Variants in FARS2 observed in about 807,000 individuals in gnomAD.
FARS2 encodes the protein phenylalanyl-tRNA synthetase 2, mitochondrial.
FARS2 carries 40 observed loss-of-function variants against 46.4 expected under a neutral mutation model. The observed-to-expected ratio is 0.86, with a 90% CI of 0.67 to 1.12. The LOEUF (loss-of-function observed/expected upper bound fraction) is 1.12. FARS2 is among the 50% of genes most tolerant of loss of function. The pLI, the probability that FARS2 is intolerant of heterozygous loss-of-function variation, is 0.00. For missense variants in FARS2, 513 were observed against 567.9 expected (o/e 0.90, Z 0.98); for synonymous variants, 234 against 214.9 (o/e 1.09, Z -0.78).
At chr6:5,532,764 GTAA>G (rs113215364) in intron 4 of FARS2, among the ~76,000 whole-genome samples, 7,899 of 148,782 alleles carry the variant, frequency 0.053, 294 homozygotes, top group African/African-American at 0.1. Context: ...AGTAGTAGTA[GTAA>G]TAATAATAAT....
chr6:5,264,818 GAC>G (rs1765439693), intron 1 of FARS2, among the ~76,000 whole-genome samples: 1 of 152,110 alleles, frequency 6.6e-6, no homozygotes, highest in Admixed American at 6.5e-5. Flanking sequence ...ATTTTATAGA[GAC>G]AGGGTCTCTG....
chr6:5,688,218 C>T (rs920218440), intron 6 of FARS2, among the ~76,000 whole-genome samples: 1 of 152,162 alleles, frequency 6.6e-6, no homozygotes, highest in Middle Eastern at 3.2e-3. Context: ...ATTGCCCTGG[C>T]CAGAACTTCC....
chr6:5,679,591 C>T (rs1167475736), intron 6 of FARS2, among the ~76,000 whole-genome samples: 1 of 152,180 alleles, frequency 6.6e-6, no homozygotes, highest in Non-Finnish European at 1.5e-5. Flanking sequence ...GTCTCCTAAA[C>T]AGTACAATGC....
intron 6 of FARS2, among the ~76,000 whole-genome samples, chr6:5,699,161 G>A (rs1385025487): frequency 1.3e-5 from 2 of 152,182 alleles, no homozygotes; most frequent in Non-Finnish European, 2.9e-5. Flanking sequence ...GAATGTGATA[G>A]GGTTACTTCT....
intron 6 of FARS2, among the ~76,000 whole-genome samples, chr6:5,767,433 T>A (rs1005289999): frequency 1.6e-4 from 24 of 152,160 alleles, no homozygotes; most frequent in African/African-American, 5.8e-4. Flanking sequence ...CTTGGACAGG[T>A]TTTTGTTTCA....
chr6:5,671,435 T>C (rs1056315761), intron 6 of FARS2, among the ~76,000 whole-genome samples: 2 of 152,232 alleles, frequency 1.3e-5, no homozygotes, highest in African/African-American at 4.8e-5. Context: ...GCTGGGGCTC[T>C]GCTCAGTTCT....
intron 2 of FARS2, among the ~76,000 whole-genome samples, chr6:5,369,881 G>GT (rs11390645): frequency 0.35 from 50,475 of 144,162 alleles, 8,872 homozygotes; most frequent in East Asian, 0.53. Flanking sequence ...TTTTTTTGTT[G>GT]TTTTTTTTTT....
At chr6:5,573,404 A>G (rs1170013981) in intron 5 of FARS2, among the ~76,000 whole-genome samples, 1 of 152,162 alleles carries the variant, frequency 6.6e-6, no homozygotes, top group Non-Finnish European at 1.5e-5. Context: ...TGACACACAC[A>G]CACACACGCG....
chr6:5,344,984 G>A (rs1271948758), intron 1 of FARS2, among the ~76,000 whole-genome samples: 1 of 151,714 alleles, frequency 6.6e-6, no homozygotes, highest in Non-Finnish European at 1.5e-5. Flanking sequence ...TAGAGATGGG[G>A]TTTTACCATG....
chr6:5,659,322 G>T (rs564970787), intron 6 of FARS2, among the ~76,000 whole-genome samples: 1 of 152,264 alleles, frequency 6.6e-6, no homozygotes, highest in African/African-American at 2.4e-5. Flanking sequence ...GCTTAGTCTA[G>T]ACTTTGATTC....
chr6:5,724,035 G>A (rs1329044658), intron 6 of FARS2, among the ~76,000 whole-genome samples: 1 of 152,188 alleles, frequency 6.6e-6, no homozygotes, highest in Non-Finnish European at 1.5e-5. Context: ...GGAAAGGAAG[G>A]GCCGCCCCAG....
chr6:5,319,225 T>G (rs1305833658), intron 1 of FARS2, among the ~76,000 whole-genome samples: 1 of 152,076 alleles, frequency 6.6e-6, no homozygotes, highest in Non-Finnish European at 1.5e-5. Context: ...AGTCTCCCAA[T>G]AGATAGAGGA....
chr6:5,700,309 G>T (rs894628251), intron 6 of FARS2, among the ~76,000 whole-genome samples: 1 of 152,168 alleles, frequency 6.6e-6, no homozygotes, highest in Non-Finnish European at 1.5e-5. Context: ...TCAAAAATAT[G>T]ATGGGGAATT....
In FARS2 at chr6:5,638,698, CA is replaced by C. The variant is rs570384727; in HGVS notation, c.1217+25380del. ...TGTTCCCATCCCCCCGGCTGTGGCT[CA>C]ACCGCTGTGGGGTCTGGGCACTTGA... On this transcript the variant is annotated intron_variant, in intron 6 of 6. Coordinates refer to ENST00000274680, the MANE Select transcript of FARS2 (RefSeq NM_006567.5). 3.7e-3 allele frequency among the ~76,000 whole-genome samples: 558 copies of C among 152,366 alleles called. 3 individuals carry two copies. Among genetic ancestry groups the C allele is most frequent in the African/African-American group, 0.013 (541 of 41,602 alleles).
chr6:5,516,842 C>T (rs567038231), intron 4 of FARS2, among the ~76,000 whole-genome samples: 1 of 152,258 alleles, frequency 6.6e-6, no homozygotes, highest in South Asian at 2.1e-4. Context: ...GTTTTCAATT[C>T]CAGCTTCAGT....
At chr6:5,750,867 C>T (rs559838654) in intron 6 of FARS2, among the ~76,000 whole-genome samples, 49 of 152,288 alleles carry the variant, frequency 3.2e-4, no homozygotes, top group Non-Finnish European at 5.3e-4. Context: ...GATCATCTCT[C>T]ATGGTCAACC....
chr6:5,520,224 T>C (rs1489981844), intron 4 of FARS2, among the ~76,000 whole-genome samples: 1 of 152,144 alleles, frequency 6.6e-6, no homozygotes, highest in Non-Finnish European at 1.5e-5. Context: ...TTTAATAATG[T>C]TATTATTTCT....
intron 1 of FARS2, among the ~76,000 whole-genome samples, chr6:5,322,647 G>A (rs1467227470): frequency 6.6e-6 from 1 of 152,168 alleles, no homozygotes; most frequent in Non-Finnish European, 1.5e-5. Context: ...CTTCTTGAGT[G>A]GGACCCTTGG....
intron 1 of FARS2, among the ~76,000 whole-genome samples, chr6:5,356,116 C>T (rs1465777728): frequency 6.6e-6 from 1 of 152,162 alleles, no homozygotes; most frequent in Non-Finnish European, 1.5e-5. Flanking sequence ...TCACATTTCA[C>T]GCCTTTCTGT....
Sources: allele counts gnomAD v4.1 joint callset (sites outside exome capture counted in the v4.1 genomes callset), GRCh38; gene constraint gnomAD v4.1.1; transcripts MANE v1.5; gene names NCBI Gene and HGNC (gene_info 2026-07-23, HGNC 2026-07-21).